Variants in TUBB4A observed in about 807,000 individuals in gnomAD.
TUBB4A encodes tubulin beta-4A chain.
A neutral mutation model predicts 35.1 loss-of-function variants in TUBB4A; 13 were observed. The ratio of observed to expected loss-of-function variants is 0.37; its 90% CI spans 0.24 to 0.59. The LOEUF is 0.59. Among genes scored for constraint, TUBB4A ranks in the 20% least tolerant of loss-of-function variants. The pLI, the probability that TUBB4A is intolerant of heterozygous loss-of-function variation, is 0.71. For synonymous variants in TUBB4A, 279 were observed against 272.4 expected, an observed-to-expected ratio of 1.02 and a Z score of -0.24; for missense variants, 299 against 647.2, an observed-to-expected ratio of 0.46 and a Z score of 5.84.
intron 3 of TUBB4A, among the ~76,000 whole-genome samples, chr19:6,497,067 ATTAGCCAGTCAT>A: frequency 9.5e-6 from 1 of 104,994 alleles, no homozygotes; most frequent in Non-Finnish European, 1.8e-5. Flanking sequence ...ATATATATAA[ATTAGCCAGTCAT>A]GGTGGTGGCA....
In TUBB4A at chr19:6,494,576, A is replaced by C; in HGVS notation, c.*588T>G. 6.3e-6 allele frequency: 1 copy of C among 159,078 alleles called. No homozygotes were observed. The highest frequency in any genetic ancestry group is 1.4e-5 in the Non-Finnish European group (1 of 71,810). The allele number at this position is 159,078 out of a possible 1,614,324, so 9.9% of individuals were successfully genotyped here. A position where few individuals can be genotyped will look rare whatever the true frequency, so the allele number is the denominator to read the frequency against. On this transcript the variant is annotated 3_prime_UTR_variant, in exon 4 of 4. Coordinates refer to ENST00000264071, the MANE Select transcript of TUBB4A (RefSeq NM_006087.4). ...TGAGGCAAGGTCAAAGGTGAACTGC[A>C]GCTCGGAGGGAGGGGTCCAATATAA... is the stretch of plus-strand genomic sequence containing the variant.
chr19:6,501,338 CAG>C lies in TUBB4A; in HGVS notation c.224_225del (p.Ser75CysfsTer79). The C allele has an allele frequency of 6.2e-7, 1 of 1,614,192 alleles. No homozygotes were observed. Among genetic ancestry groups the C allele is most frequent in the Non-Finnish European group, 8.5e-7 (1 of 1,180,010 alleles). ...ATCTGACCGAAGGGGCCAGAACGGA[CAG>C]AGTCCATGGTGCCGGGTTCCAGGTC... ...LVDLEPGTMD[S>X]VRSGPFGQIF... On this transcript the variant is annotated frameshift_variant, in exon 3 of 4. Coordinates refer to ENST00000264071, the MANE Select transcript of TUBB4A (RefSeq NM_006087.4). LOFTEE classifies it high-confidence loss of function. The surrounding 1 kb of genome is among the most constrained non-coding windows in gnomAD (Gnocchi z 4.2).
chr19:6,499,258 G>T lies in TUBB4A; in HGVS notation c.277+2029C>A, dbSNP rs548857613. ...AATCGCTTGAATCTGGGAGGTGGAG[G>T]TTGCGTCACTGCACTCCAGCCTGGG... On this transcript the variant is annotated intron_variant, in intron 3 of 3. Coordinates refer to ENST00000264071, the MANE Select transcript of TUBB4A (RefSeq NM_006087.4). Among the ~76,000 whole-genome samples, 5 of 151,568 alleles carry T rather than the reference G, an allele frequency of 3.3e-5. No homozygotes were observed. The South Asian group carries it at 6.3e-4, about 19-fold the overall frequency.
At chr19:6,502,336 T>A, upstream of TUBB4A, 1 of 1,136,542 alleles carries the variant, frequency 8.8e-7, no homozygotes, top group Non-Finnish European at 1.2e-6. Context: ...GGAGCCGCTA[T>A]ATGAGCGGGC....
At chr19:6,499,669 C>T (rs1446110292) in intron 3 of TUBB4A, among the ~76,000 whole-genome samples, 4 of 152,222 alleles carry the variant, frequency 2.6e-5, no homozygotes, top group African/African-American at 7.2e-5. Context: ...GCCCTTTGGC[C>T]AGTCCAAATC....
intron 3 of TUBB4A, among the ~76,000 whole-genome samples, chr19:6,499,449 T>C (rs1040203900): frequency 2.0e-5 from 3 of 152,008 alleles, no homozygotes; most frequent in Non-Finnish European, 4.4e-5. Flanking sequence ...AAGAGGCGAG[T>C]TGCGGAAAAG....
At position 6,502,184 on chromosome 19, in the gene TUBB4A, C is replaced by T; in HGVS notation, c.29G>A (p.Gly10Asp). The change falls in exon 1 of 4, where the codon GGC becomes GAC. Residue 10 changes from glycine (G) to aspartate (D), a missense_variant. Physicochemically the swap from Gly to Asp is moderately conservative, Grantham distance 94 (BLOSUM62 -1). This residue lies in a region of TUBB4A where 123 missense variants were observed against 226.0 expected (regional missense o/e 0.54). Coordinates refer to ENST00000264071, the MANE Select transcript of TUBB4A (RefSeq NM_006087.4). ...GGCCCCGATCTGGTTGCCGCACTGGCCGGCCTGCAGGTGCACGATCTCCCG... is the reference window on the plus strand; with the variant it reads ...GGCCCCGATCTGGTTGCCGCACTGGTCGGCCTGCAGGTGCACGATCTCCCG... MREIVHLQA[G>D]QCGNQIGAKF... 6 of 1,575,576 alleles carry T rather than the reference C, an allele frequency of 3.8e-6. No individual in the cohort carries two copies. Among genetic ancestry groups the T allele is most frequent in the East Asian group, 2.4e-5 (1 of 41,932 alleles).
intron 3 of TUBB4A, among the ~76,000 whole-genome samples, chr19:6,499,590 G>C (rs913580494): frequency 6.6e-6 from 1 of 152,194 alleles, no homozygotes; most frequent in Non-Finnish European, 1.5e-5. Flanking sequence ...GATTGTCCCA[G>C]GGTGTGGACA....
At position 6,495,683 on chromosome 19, in the gene TUBB4A, G is replaced by T. The variant is rs370829427; in HGVS notation, c.816C>A (p.Pro272=). The change falls in exon 4 of 4, where the codon CCC becomes CCA. Residue 272 remains proline, a synonymous_variant. Transcript: ENST00000264071. This position sits in a 1 kb window ranked among gnomAD's most constrained non-coding sequence, Gnocchi z 8.7. ...RLHFFMPGFA[P]LTSRGSQQYR... is the part of the protein sequence containing the mutation. ...ACTGCTGGCTGCCCCGGCTGGTCAGGGGTGCGAAGCCGGGCATGAAGAAGT... is the reference window on the plus strand; with the variant it reads ...ACTGCTGGCTGCCCCGGCTGGTCAGTGGTGCGAAGCCGGGCATGAAGAAGT... The T allele has an allele frequency of 2.1e-4, 334 of 1,613,954 alleles. No homozygotes were observed. Among genetic ancestry groups the T allele is most frequent in the Non-Finnish European group, 2.7e-4 (321 of 1,179,968 alleles).
In TUBB4A at chr19:6,501,546, C is replaced by G; in HGVS notation, c.135G>C (p.Glu45Asp). Residue 45 changes from glutamate to aspartate, a missense_variant, in exon 2 of 4, where the codon GAG becomes GAC. Glu to Asp is a conservative substitution (Grantham distance 45, BLOSUM62 2). This residue lies in a region of TUBB4A where 123 missense variants were observed against 226.0 expected (regional missense o/e 0.54). Coordinates refer to ENST00000264071, the MANE Select transcript of TUBB4A (RefSeq NM_006087.4). This position sits in a 1 kb window ranked among gnomAD's most constrained non-coding sequence, Gnocchi z 4.2. ...TYHGDSDLQLERINVYYNEAT... is the reference protein window; with the variant it reads ...TYHGDSDLQLDRINVYYNEAT... ...CCTCGTTGTAGTACACGTTGATCCT[C>G]TCCAGTTGCAGGTCACTGTCCCCAT... is the stretch of plus-strand genomic sequence containing the variant. 6.2e-7 allele frequency: 1 copy of G among 1,614,154 alleles called. No individual in the cohort carries two copies. Among genetic ancestry groups the G allele is most frequent in the Non-Finnish European group, 8.5e-7 (1 of 1,180,010 alleles).
In TUBB4A at chr19:6,495,051, A is replaced by AG. The variant is rs1599404984; in HGVS notation, c.*112dup. 7.8e-7 allele frequency: 1 copy of AG among 1,285,154 alleles called. No homozygotes were observed. Among genetic ancestry groups the AG allele is most frequent in the South Asian group, 1.4e-5 (1 of 71,640 alleles). The allele number at this position is 1,285,154 out of a possible 1,614,324, so 79.6% of individuals were successfully genotyped here. A position where few individuals can be genotyped will look rare whatever the true frequency, so the allele number is the denominator to read the frequency against. ...GAGCTCCAAAGGTATTGTTAGGGTCAGCGGGGAGTCAGCCTTGGAGGGAAA... is the reference window on the plus strand; with the variant it reads ...GAGCTCCAAAGGTATTGTTAGGGTCAGGCGGGGAGTCAGCCTTGGAGGGAAA... On this transcript the variant is annotated 3_prime_UTR_variant, in exon 4 of 4. Transcript: ENST00000264071. The surrounding 1 kb of genome is among the most constrained non-coding windows in gnomAD (Gnocchi z 8.7).
intron 3 of TUBB4A, chr19:6,496,586 G>A: frequency 5.5e-6 from 1 of 182,454 alleles, no homozygotes; most frequent in South Asian, 1.2e-4. Flanking sequence ...AGCCGACATT[G>A]TGCCACTGCA....
Position 6,496,123 on chromosome 19 carries a change from T to G in TUBB4A, c.376A>C (p.Ser126Arg), listed in dbSNP as rs1182475407. 1 of 1,614,154 alleles carries G rather than the reference T, an allele frequency of 6.2e-7. No individual in the cohort carries two copies. Among genetic ancestry groups the G allele is most frequent in the Non-Finnish European group, 8.5e-7 (1 of 1,180,030 alleles). The change falls in exon 4 of 4, where the codon AGC (serine) becomes CGC (arginine). Residue 126 changes from serine to arginine, a missense_variant. Ser to Arg is a moderately radical substitution (Grantham distance 110). Coordinates refer to ENST00000264071, the MANE Select transcript of TUBB4A (RefSeq NM_006087.4). Reference protein sequence around the residue: ...VLDVVRKEAESCDCLQGFQLT... With the variant: ...VLDVVRKEAERCDCLQGFQLT... Reference sequence around the variant, plus strand: ...TGGAAGCCCTGAAGGCAGTCGCAGCTCTCGGCCTCCTTCCGGACTACGTCC... The same window carrying G: ...TGGAAGCCCTGAAGGCAGTCGCAGCGCTCGGCCTCCTTCCGGACTACGTCC...
Position 6,502,290 on chromosome 19 carries a change from C to T in TUBB4A, c.-78G>A. 2 of 1,405,574 alleles carry T rather than the reference C, an allele frequency of 1.4e-6. No homozygotes were observed. The highest frequency in any genetic ancestry group is 1.9e-6 in the Non-Finnish European group (2 of 1,074,096). The allele number at this position is 1,405,574 out of a possible 1,614,324, so 87.1% of individuals were successfully genotyped here. A position where few individuals can be genotyped will look rare whatever the true frequency, so the allele number is the denominator to read the frequency against. On this transcript the variant is annotated 5_prime_UTR_variant, in exon 1 of 4. Coordinates refer to ENST00000264071, the MANE Select transcript of TUBB4A (RefSeq NM_006087.4). ...GCGGCGGCGGCGAGGGTGGAAGATG[C>T]GGCGGAGACGGCGGAGCACGGTCCC... is the stretch of plus-strand genomic sequence containing the variant.
chr19:6,501,666 G>A lies in TUBB4A; in HGVS notation c.58-43C>T, dbSNP rs778286654. 36 of 1,565,462 alleles carry A rather than the reference G, an allele frequency of 2.3e-5. No individual in the cohort carries two copies. The highest frequency in any genetic ancestry group is 3.1e-5 in the Non-Finnish European group (36 of 1,143,332). On this transcript the variant is annotated intron_variant, in intron 1 of 3. Coordinates refer to ENST00000264071, the MANE Select transcript of TUBB4A (RefSeq NM_006087.4). This position sits in a 1 kb window ranked among gnomAD's most constrained non-coding sequence, Gnocchi z 4.2. ...CGGAAGAGTTGAGAGAGGGGAAGCC[G>A]GTGGCCAAGCCGAGGACTGCCCCCA... is the stretch of plus-strand genomic sequence containing the variant.
intron 3 of TUBB4A, among the ~76,000 whole-genome samples, chr19:6,499,163 T>C (rs1914411826): frequency 6.6e-6 from 1 of 151,990 alleles, no homozygotes; most frequent in South Asian, 2.1e-4. Flanking sequence ...CCCGTCACTA[T>C]TAAAAATACA....
upstream of TUBB4A, chr19:6,502,320 C>G (rs1212878859): frequency 7.9e-7 from 1 of 1,259,808 alleles, no homozygotes. Context: ...GGTCCCTGCG[C>G]CCCCGGGAGC....
intron 3 of TUBB4A, chr19:6,500,971 G>A: frequency 3.0e-6 from 1 of 329,898 alleles, no homozygotes; most frequent in East Asian, 5.7e-5. Flanking sequence ...TGCAGTGAGT[G>A]CTCACTGTTT....
Position 6,496,063 on chromosome 19 carries a change from C to A in TUBB4A, c.436G>T (p.Gly146Ter). The A allele has an allele frequency of 1.2e-6, 2 of 1,614,198 alleles. No homozygotes were observed. The highest frequency in any genetic ancestry group is 1.7e-6 in the Non-Finnish European group (2 of 1,180,036). Residue 146 changes from glycine to a stop codon, truncating the protein, a stop_gained, in exon 4 of 4, where the codon GGA becomes TGA. Transcript: ENST00000264071. LOFTEE classifies it high-confidence loss of function. ...THSLGGGTGS[G>*]MGTLLISKIR... The stretch of plus-strand genomic sequence containing the variant: ...TTACTGATGAGCAGCGTGCCCATTC[C>A]GGACCCCGTGCCACCCCCCAGCGAG...
Sources: allele counts gnomAD v4.1 joint callset (sites outside exome capture counted in the v4.1 genomes callset), GRCh38; gene constraint gnomAD v4.1.1; regional missense constraint gnomAD v4.1.1; non-coding constraint Gnocchi (gnomAD v3.1); transcripts MANE v1.5; gene names NCBI Gene and HGNC (gene_info 2026-07-23, HGNC 2026-07-21).